The following TCF4 variants were observed in gnomAD, a reference collection of about 807,000 sequenced individuals.
TCF4 encodes the protein transcription factor 4.
In TCF4, 3 loss-of-function variants were observed where a neutral mutation model predicts 82.1. The ratio of observed to expected loss-of-function variants is 0.04; its 90% CI spans 0.02 to 0.09. TCF4 has a LOEUF of 0.09. Ranked by LOEUF, TCF4 falls within the 10% of genes least tolerant of loss-of-function variation. TCF4 has a pLI of 1.00. For missense variants in TCF4, 518 were observed against 852.7 expected (o/e 0.61, Z 4.89); for synonymous variants, 276 against 309.6 (o/e 0.89, Z 1.14).
chr18:55,363,795 C>T (rs1191641605), intron 6 of TCF4, among the ~76,000 whole-genome samples: 1 of 151,948 alleles, frequency 6.6e-6, no homozygotes, highest in Non-Finnish European at 1.5e-5. Flanking sequence ...AACAGAGCGA[C>T]ACTCTGTCTC....
intron 9 of TCF4, 51 bp downstream of exon 9, chr18:55,279,500 C>T (rs892098178): frequency 6.2e-7 from 1 of 1,612,294 alleles, no homozygotes; most frequent in Admixed American, 1.7e-5. Flanking sequence ...ATTAAGTGAC[C>T]CAGGAAAATG....
intron 2 of TCF4, among the ~76,000 whole-genome samples, chr18:55,586,722 T>C (rs1218494255): frequency 6.6e-6 from 1 of 152,060 alleles, no homozygotes. Context: ...TGTTCAGACA[T>C]GGCCAAGTTT....
chr18:55,528,938 G>A (rs1424769267), intron 3 of TCF4, among the ~76,000 whole-genome samples: 1 of 152,176 alleles, frequency 6.6e-6, no homozygotes, highest in Non-Finnish European at 1.5e-5. Flanking sequence ...AGTACTTCGG[G>A]AGGCCAAGGT....
At chr18:55,528,561 G>A (rs1482575761) in intron 3 of TCF4, among the ~76,000 whole-genome samples, 1 of 152,116 alleles carries the variant, frequency 6.6e-6, no homozygotes, top group East Asian at 1.9e-4. Context: ...TTGACAAGAT[G>A]TAAAAGCAAA....
At chr18:55,394,662 T>C (rs1236030700) in intron 6 of TCF4, among the ~76,000 whole-genome samples, 1 of 152,178 alleles carries the variant, frequency 6.6e-6, no homozygotes, top group Non-Finnish European at 1.5e-5. Flanking sequence ...AAAAGCAACA[T>C]TTGCATGTTG....
At chr18:55,271,461 C>T (rs2060358482) in intron 10 of TCF4, among the ~76,000 whole-genome samples, 1 of 152,068 alleles carries the variant, frequency 6.6e-6, no homozygotes, top group African/African-American at 2.4e-5. Flanking sequence ...TGAGAGCCAA[C>T]TAGTCTAAGG....
At chr18:55,621,825 AATAT>A (rs1278798155) in intron 2 of TCF4, among the ~76,000 whole-genome samples, 3 of 71,664 alleles carry the variant, frequency 4.2e-5, no homozygotes, top group East Asian at 3.7e-4. Context: ...TATATTATAT[AATAT>A]ATATACACTA....
chr18:55,251,688 G>A (rs2055150978), intron 15 of TCF4, among the ~76,000 whole-genome samples: 1 of 152,190 alleles, frequency 6.6e-6, no homozygotes, highest in Non-Finnish European at 1.5e-5. Context: ...CCGGGACTGG[G>A]ATGAGTATCA....
At chr18:55,234,383 G>C in intron 16 of TCF4, 165 bp downstream of exon 16, 1 of 883,496 alleles carries the variant, frequency 1.1e-6, no homozygotes, top group Non-Finnish European at 1.7e-6. Flanking sequence ...CACAATTAGC[G>C]GGCGAAGTTC....
At chr18:55,541,542 C>CAT (rs2097165185) in intron 3 of TCF4, among the ~76,000 whole-genome samples, 1 of 151,918 alleles carries the variant, frequency 6.6e-6, no homozygotes, top group South Asian at 2.1e-4. Flanking sequence ...AATTCTTACA[C>CAT]ATATATATCC....
chr18:55,480,298 C>CGG (rs1249984705), intron 3 of TCF4, among the ~76,000 whole-genome samples: 4 of 27,774 alleles, frequency 1.4e-4, no homozygotes, highest in South Asian at 8.3e-4. Flanking sequence ...AAAAAAAAAG[C>CGG]GGGGGGGCGG....
At chr18:55,605,923 A>T (rs2097701800) in intron 2 of TCF4, among the ~76,000 whole-genome samples, 1 of 152,224 alleles carries the variant, frequency 6.6e-6, no homozygotes, top group Admixed American at 6.5e-5. Flanking sequence ...TCTCAGACCA[A>T]TTGTGTCAGT....
At chr18:55,317,905 C>T (rs2147370978) in intron 8 of TCF4, among the ~76,000 whole-genome samples, 1 of 152,114 alleles carries the variant, frequency 6.6e-6, no homozygotes, top group South Asian at 2.1e-4. Context: ...GACCAACAGT[C>T]AGAATATAAA....
chr18:55,343,967 A>G (rs990076316), intron 8 of TCF4, among the ~76,000 whole-genome samples: 9 of 152,178 alleles, frequency 5.9e-5, no homozygotes, highest in Non-Finnish European at 1.5e-5. Context: ...AATCCAGTGC[A>G]GTTATGTAAA....
At chr18:55,459,032 T>C (rs2095822785) in intron 5 of TCF4, among the ~76,000 whole-genome samples, 1 of 152,182 alleles carries the variant, frequency 6.6e-6, no homozygotes, top group Non-Finnish European at 1.5e-5. Flanking sequence ...CCAGACAGCT[T>C]ATCTAACAGA....
chr18:55,566,790 G>A (rs2097412007), intron 3 of TCF4, among the ~76,000 whole-genome samples: 1 of 152,040 alleles, frequency 6.6e-6, no homozygotes, highest in Admixed American at 6.6e-5. Context: ...CCAAAGAAGA[G>A]AACAGAATGA....
At chr18:55,240,679 A>G (rs1043598126) in intron 15 of TCF4, among the ~76,000 whole-genome samples, 5 of 152,236 alleles carry the variant, frequency 3.3e-5, no homozygotes, top group Non-Finnish European at 7.3e-5. Context: ...ACCTACCTCT[A>G]ATAACCACCT....
At chr18:55,455,179 CAAAAAAAAAAAAAAA>C (rs35889370) in intron 5 of TCF4, among the ~76,000 whole-genome samples, 1 of 67,472 alleles carries the variant, frequency 1.5e-5, no homozygotes, top group Admixed American at 1.8e-4. Context: ...GACTCTGTCT[CAAAAAAAAAAAAAAA>C]AAAAAAAAAG....
chr18:55,609,912 CCT>C (rs59623516), intron 2 of TCF4, among the ~76,000 whole-genome samples: 43,391 of 151,870 alleles, frequency 0.29, 7,259 homozygotes, highest in East Asian at 0.44. Flanking sequence ...ACACTCACCC[CCT>C]GTTTGTTTTC....
Sources: gnomAD v4.1 joint callset for allele counts (sites outside exome capture counted in the v4.1 genomes callset) on GRCh38, gnomAD v4.1.1 for gene constraint, MANE v1.5 for transcripts, NCBI Gene and HGNC (gene_info 2026-07-23, HGNC 2026-07-21) for gene names.